GFRA2: variants seen among roughly 807,000 people sequenced by gnomAD.
GFRA2 encodes GDNF family receptor alpha-2.
GFRA2 carries 17 observed loss-of-function variants against 48.3 expected under a neutral mutation model. The ratio of observed to expected loss-of-function variants is 0.35; its 90% CI spans 0.24 to 0.53. The LOEUF (loss-of-function observed/expected upper bound fraction) is 0.53. Ranked by LOEUF, GFRA2 falls within the 20% of genes least tolerant of loss-of-function variation. The pLI is 0.93. For missense variants in GFRA2, 660 were observed against 637.3 expected, an observed-to-expected ratio of 1.04 and a Z score of -0.38; for synonymous variants, 305 against 257.2, an observed-to-expected ratio of 1.19 and a Z score of -1.78.
At chr8:21,745,081 C>G (rs2117566891) in intron 4 of GFRA2, among the ~76,000 whole-genome samples, 1 of 152,344 alleles carries the variant, frequency 6.6e-6, no homozygotes, top group East Asian at 1.9e-4. Context: ...CAAAGGAACC[C>G]TCCAACACTT....
At chr8:21,805,632 A>G (rs1003915079) in intron 1 of GFRA2, among the ~76,000 whole-genome samples, 2 of 152,186 alleles carry the variant, frequency 1.3e-5, no homozygotes, top group Non-Finnish European at 2.9e-5. Context: ...CAGTCAAACT[A>G]GGGCTGGGAG....
chr8:21,732,336 G>A (rs191849834), intron 4 of GFRA2, among the ~76,000 whole-genome samples: 1 of 152,348 alleles, frequency 6.6e-6, no homozygotes, highest in Admixed American at 6.5e-5. Flanking sequence ...AAGATGCCCA[G>A]GGCCTGCCGA....
chr8:21,781,219 A>C (rs894300681), intron 2 of GFRA2, among the ~76,000 whole-genome samples: 15 of 151,384 alleles, frequency 9.9e-5, no homozygotes, highest in African/African-American at 3.6e-4. Flanking sequence ...CCTCTAATCT[A>C]CTCTCTCCAC....
intron 2 of GFRA2, among the ~76,000 whole-genome samples, chr8:21,778,115 G>A (rs1340297201): frequency 1.3e-5 from 2 of 152,156 alleles, no homozygotes; most frequent in Admixed American, 6.5e-5. Context: ...GCTGAGAATC[G>A]GAAGGAAAAT....
intron 3 of GFRA2, among the ~76,000 whole-genome samples, chr8:21,760,951 T>C (rs1046212313): frequency 6.6e-6 from 1 of 151,716 alleles, no homozygotes; most frequent in Non-Finnish European, 1.5e-5. Context: ...TAAGGGTGAG[T>C]GGAGGGGCAA....
chr8:21,752,305 T>C (rs1222305737), intron 3 of GFRA2, among the ~76,000 whole-genome samples: 2 of 152,020 alleles, frequency 1.3e-5, no homozygotes, highest in African/African-American at 4.8e-5. Context: ...CCTCCCATTC[T>C]CTCTTAGACC....
At chr8:21,721,977 T>C (rs1803621765) in intron 4 of GFRA2, among the ~76,000 whole-genome samples, 1 of 152,246 alleles carries the variant, frequency 6.6e-6, no homozygotes, top group Admixed American at 6.5e-5. Context: ...TGGGCAGCTA[T>C]GCCACCACTA....
intron 8 of GFRA2, among the ~76,000 whole-genome samples, chr8:21,694,055 T>TATATATA (rs1802021821): frequency 5.2e-5 from 4 of 77,466 alleles, no homozygotes; most frequent in Non-Finnish European, 1.1e-4. Context: ...ATATATATAT[T>TATATATA]TATATATATA....
In GFRA2 at chr8:21,718,217, T is replaced by C. The variant is rs534163852; in HGVS notation, c.795-12176A>G. Among the ~76,000 whole-genome samples the C allele has an allele frequency of 7.2e-5, 11 of 152,308 alleles. No homozygotes were observed. The East Asian group carries it at 2.1e-3, about 29-fold the overall frequency. On this transcript the variant is annotated intron_variant, in intron 4 of 8. Transcript: ENST00000524240. ...TGCTGTTGTCGTGATAGTGAGTAAG[T>C]CTCACAAGATCTGATGGTTATTATT...
chr8:21,700,625 T>C (rs529560323), intron 7 of GFRA2, among the ~76,000 whole-genome samples: 2 of 152,266 alleles, frequency 1.3e-5, no homozygotes, highest in South Asian at 4.1e-4. Context: ...AGGCCTCTGG[T>C]GGCTTGGGTT....
intron 4 of GFRA2, among the ~76,000 whole-genome samples, chr8:21,736,785 C>T (rs1804485641): frequency 6.6e-6 from 1 of 151,994 alleles, no homozygotes. Context: ...AGCTACTGTG[C>T]TCTGTCCTGA....
chr8:21,780,255 G>A (rs761342868), intron 2 of GFRA2, among the ~76,000 whole-genome samples: 292 of 152,166 alleles, frequency 1.9e-3, no homozygotes, highest in Middle Eastern at 0.01. Flanking sequence ...GGCCGGCACG[G>A]GGAGCATGGC....
At chr8:21,727,946 AG>A (rs1803964107) in intron 4 of GFRA2, among the ~76,000 whole-genome samples, 2 of 152,244 alleles carry the variant, frequency 1.3e-5, no homozygotes, top group South Asian at 2.1e-4. Context: ...GCCGCCCTTC[AG>A]CCCAGGCACA....
chr8:21,796,445 T>C (rs1454713847), intron 2 of GFRA2, among the ~76,000 whole-genome samples: 1 of 152,154 alleles, frequency 6.6e-6, no homozygotes, highest in African/African-American at 2.4e-5. Context: ...ACAGGCAGTA[T>C]CTATTTAGCC....
At chr8:21,751,067 T>A (rs1017818677) in intron 3 of GFRA2, 125 bp from the exon 4 acceptor site, 1 of 699,248 alleles carries the variant, frequency 1.4e-6, no homozygotes, top group African/African-American at 1.8e-5. Context: ...GTGCCTCAGT[T>A]TCCCCCTTTG....
intron 4 of GFRA2, among the ~76,000 whole-genome samples, chr8:21,745,068 G>C (rs1804937977): frequency 6.6e-6 from 1 of 152,212 alleles, no homozygotes; most frequent in African/African-American, 2.4e-5. Context: ...TTAAACCCTA[G>C]ATCAAAGGAA....
chr8:21,705,040 G>A lies in GFRA2; in HGVS notation c.990C>T (p.Asn330=). ...SPWCSCRGSG[N]MEEECEKFLR... ...GGAACTTCTCACACTCCTCCTCCAT[G>A]TTCCCGCTGCCACGACAGCTGCACC... The change falls in exon 6 of 9, where the codon AAC becomes AAT. Residue 330 remains asparagine (N), a synonymous_variant. Coordinates refer to ENST00000524240, the MANE Select transcript of GFRA2 (RefSeq NM_001495.5). The A allele has an allele frequency of 1.9e-6, 3 of 1,610,976 alleles. No homozygotes were observed. The South Asian group carries it at 3.3e-5, about 18-fold the overall frequency.
At chr8:21,729,450 C>G (rs1804068635) in intron 4 of GFRA2, among the ~76,000 whole-genome samples, 1 of 152,130 alleles carries the variant, frequency 6.6e-6, no homozygotes, top group Admixed American at 6.5e-5. Flanking sequence ...TCCAAAAGAT[C>G]CCCAAGGGGA....
intron 2 of GFRA2, among the ~76,000 whole-genome samples, chr8:21,804,157 C>T (rs1476568133): frequency 1.3e-5 from 2 of 151,958 alleles, no homozygotes; most frequent in Non-Finnish European, 2.9e-5. Flanking sequence ...ACCTATACTG[C>T]TGCCTATAGT....
Sources: allele counts gnomAD v4.1 joint callset (sites outside exome capture counted in the v4.1 genomes callset), GRCh38; gene constraint gnomAD v4.1.1; transcripts MANE v1.5; gene names NCBI Gene and HGNC (gene_info 2026-07-23, HGNC 2026-07-21).